The following SUSD1 variants were observed in gnomAD, a reference collection of about 807,000 sequenced individuals.
SUSD1 encodes sushi domain containing 1.
A neutral mutation model predicts 86.9 loss-of-function variants in SUSD1; 65 were observed. The observed-to-expected ratio is 0.75, with a 90% confidence interval of 0.61 to 0.92. SUSD1 has a LOEUF of 0.92. Among genes scored for constraint, SUSD1 ranks in the 40% least tolerant of loss-of-function variants. The pLI is 0.00. For synonymous variants in SUSD1, 346 were observed against 350.0 expected (o/e 0.99, Z 0.13); for missense variants, 850 against 929.7 (o/e 0.91, Z 1.11).
chr9:112,045,872 A>G (rs1827935001), intron 15 of SUSD1, among the ~76,000 whole-genome samples: 1 of 152,206 alleles, frequency 6.6e-6, no homozygotes, highest in African/African-American at 2.4e-5. Context: ...ACTTGAACCT[A>G]TGTAGGGTAG....
intron 1 of SUSD1, among the ~76,000 whole-genome samples, chr9:112,171,832 A>C (rs772088811): frequency 6.6e-6 from 1 of 152,144 alleles, no homozygotes; most frequent in Non-Finnish European, 1.5e-5. Flanking sequence ...GCATTCTCTA[A>C]ACATCTTGGA....
intron 3 of SUSD1, among the ~76,000 whole-genome samples, chr9:112,148,621 G>C (rs901048982): frequency 1.3e-5 from 2 of 152,026 alleles, no homozygotes; most frequent in African/African-American, 4.8e-5. Context: ...TTATGAAAAC[G>C]ATCAGGCCAG....
chr9:112,063,111 G>T, intron 12 of SUSD1, 78 bp from the exon 13 acceptor site: 1 of 866,380 alleles, frequency 1.2e-6, no homozygotes, highest in Non-Finnish European at 1.9e-6. Flanking sequence ...CCTCGTGAGG[G>T]CTATCAAAAA....
chr9:112,144,810 C>T (rs555756900), intron 3 of SUSD1, among the ~76,000 whole-genome samples: 12 of 118,100 alleles, frequency 1.0e-4, no homozygotes, highest in Middle Eastern at 4.1e-3. Flanking sequence ...TGCCCTTTTG[C>T]AGATTTTTTT....
rs1045836468 is a variant in SUSD1, at chr9:112,058,760, C to T, written c.1851-74G>A. 6 of 1,552,400 alleles carry T rather than the reference C, an allele frequency of 3.9e-6. No individual in the cohort carries two copies. The African/African-American group carries it at 8.3e-5, about 21-fold the overall frequency. ...CATTCATTCATTCATATTTATTGAGCACCTGCTATGAGACAAACCTCTTTC... is the reference window on the plus strand; with the variant it reads ...CATTCATTCATTCATATTTATTGAGTACCTGCTATGAGACAAACCTCTTTC... On this transcript the variant is annotated intron_variant, in intron 13 of 16. Transcript: ENST00000374270.
intron 1 of SUSD1, among the ~76,000 whole-genome samples, chr9:112,169,890 G>T (rs1467474110): frequency 6.6e-6 from 1 of 152,010 alleles, no homozygotes; most frequent in African/African-American, 2.4e-5. Flanking sequence ...GGTCAGGCTG[G>T]TCTCGAACTC....
At position 112,175,015 on chromosome 9, in the gene SUSD1, A is replaced by T; in HGVS notation, c.103+118T>A. 1 of 782,244 alleles carries T rather than the reference A, an allele frequency of 1.3e-6. No individual in the cohort carries two copies. Among genetic ancestry groups the T allele is most frequent in the Non-Finnish European group, 1.6e-6 (1 of 644,500 alleles). 48.5% of individuals were successfully genotyped at this position (782,244 alleles called of 1,614,324 possible). A position where few individuals can be genotyped will look rare whatever the true frequency, so the allele number is the denominator to read the frequency against. ...CCGGCGCGGGCCCCACCTGCGCCCC[A>T]CGCCTCGGCACCGCGCCGGCCCGGC... On this transcript the variant is annotated intron_variant, in intron 1 of 16. Coordinates refer to ENST00000374270, the MANE Select transcript of SUSD1 (RefSeq NM_022486.5). This position sits in a 1 kb window ranked among gnomAD's most constrained non-coding sequence, Gnocchi z 4.7.
chr9:112,142,970 T>A (rs1832646924), intron 4 of SUSD1, among the ~76,000 whole-genome samples: 1 of 44,780 alleles, frequency 2.2e-5, no homozygotes, highest in Non-Finnish European at 4.7e-5. Flanking sequence ...GCTTTTTTTT[T>A]TTTTTTTTTT....
chr9:112,071,986 A>C (rs972238435), intron 12 of SUSD1, among the ~76,000 whole-genome samples: 1 of 152,192 alleles, frequency 6.6e-6, no homozygotes, highest in African/African-American at 2.4e-5. Flanking sequence ...TTCACCTCCC[A>C]AGGAGAAGAA....
At chr9:112,056,772 C>T (rs918942887) in intron 14 of SUSD1, among the ~76,000 whole-genome samples, 3 of 151,476 alleles carry the variant, frequency 2.0e-5, no homozygotes, top group Non-Finnish European at 4.4e-5. Flanking sequence ...GGCTGGAGTG[C>T]AGTGGCATGA....
At chr9:112,052,708 G>A (rs958522976) in intron 14 of SUSD1, among the ~76,000 whole-genome samples, 1 of 152,156 alleles carries the variant, frequency 6.6e-6, no homozygotes, top group Admixed American at 6.5e-5. Flanking sequence ...CCAACAACAG[G>A]AGTGACAAAA....
rs1831532961 is a variant in SUSD1, at chr9:112,121,004, A to G, written c.886+3253T>C. The stretch of plus-strand genomic sequence containing the variant: ...GAGGCAGCTACCTCACCTCCTCCAA[A>G]TAACTCTTGGAGATGCTTTTGCAAA... On this transcript the variant is annotated intron_variant, in intron 6 of 16. Coordinates refer to ENST00000374270, the MANE Select transcript of SUSD1 (RefSeq NM_022486.5). Among the ~76,000 whole-genome samples, 3 of 152,196 alleles carry G rather than the reference A, an allele frequency of 2.0e-5. No individual in the cohort carries two copies. In the South Asian group the frequency reaches 6.2e-4, roughly 32 times the overall value.
chr9:112,083,493 G>C (rs1247033432), intron 10 of SUSD1, among the ~76,000 whole-genome samples: 1 of 152,182 alleles, frequency 6.6e-6, no homozygotes, highest in Admixed American at 6.5e-5. Context: ...CTCCCAAAGT[G>C]CTGGAATTAC....
chr9:112,074,476 C>T (rs1483916202), intron 12 of SUSD1, among the ~76,000 whole-genome samples: 1 of 152,162 alleles, frequency 6.6e-6, no homozygotes, highest in Non-Finnish European at 1.5e-5. Flanking sequence ...GAAACACTTG[C>T]CTCTGTCCCT....
In SUSD1 at chr9:112,118,865, G is replaced by A. The variant is rs138540176; in HGVS notation, c.886+5392C>T. ...TACACCTACTTCATCAAACTCATGA[G>A]ATCACATATATTGTCCTTAATAAAT... On this transcript the variant is annotated intron_variant, in intron 6 of 16. Coordinates refer to ENST00000374270, the MANE Select transcript of SUSD1 (RefSeq NM_022486.5). Among the ~76,000 whole-genome samples, 422 of 152,272 alleles carry A rather than the reference G, an allele frequency of 2.8e-3. 4 individuals carry two copies. The highest frequency in any genetic ancestry group is 9.5e-3 in the African/African-American group (396 of 41,564).
In SUSD1 at chr9:112,127,992, G is replaced by A. The variant is rs372145808; in HGVS notation, c.707-3556C>T. On this transcript the variant is annotated intron_variant, in intron 5 of 16. Coordinates refer to ENST00000374270, the MANE Select transcript of SUSD1 (RefSeq NM_022486.5). Reference sequence around the variant, plus strand: ...TAATTTTTCAGTTTTTTGTAGAGACGGGGTCTCTCTGTATTGCCCAGGCTG... The same window carrying A: ...TAATTTTTCAGTTTTTTGTAGAGACAGGGTCTCTCTGTATTGCCCAGGCTG... Among the ~76,000 whole-genome samples the A allele has an allele frequency of 2.2e-3, 331 of 151,296 alleles. 8 individuals carry two copies. The South Asian group carries it at 0.067, about 30-fold the overall frequency.
chr9:112,058,327 G>T, intron 14 of SUSD1, 101 bp downstream of exon 14: 2 of 1,393,922 alleles, frequency 1.4e-6, no homozygotes, highest in Non-Finnish European at 1.9e-6. Flanking sequence ...ATTGTTACAT[G>T]CAGTGACCCT....
intron 1 of SUSD1, among the ~76,000 whole-genome samples, 184 bp downstream of exon 1, chr9:112,174,949 C>T (rs996411644): frequency 1.8e-4 from 27 of 151,604 alleles, no homozygotes; most frequent in Non-Finnish European, 3.4e-4. Flanking sequence ...CGGCGGGGAG[C>T]CCCCCGCTTC....
chr9:112,058,740 A>C (rs1202298287), intron 13 of SUSD1, 54 bp from the exon 14 acceptor site: 1 of 1,582,658 alleles, frequency 6.3e-7, no homozygotes, highest in African/African-American at 1.4e-5. Context: ...GAGTTCATTC[A>C]TTCATTCATA....
Sources: allele counts gnomAD v4.1 joint callset (sites outside exome capture counted in the v4.1 genomes callset), GRCh38; gene constraint gnomAD v4.1.1; non-coding constraint Gnocchi (gnomAD v3.1); transcripts MANE v1.5; gene names NCBI Gene and HGNC (gene_info 2026-07-23, HGNC 2026-07-21).